The following HOOK3 variants were observed in gnomAD, a reference collection of about 807,000 sequenced individuals.
HOOK3 encodes the protein hook microtubule tethering protein 3.
HOOK3 carries 24 observed loss-of-function variants against 116.3 expected under a neutral mutation model. The observed-to-expected ratio is 0.21, with a 90% CI of 0.15 to 0.29. The LOEUF (loss-of-function observed/expected upper bound fraction) is 0.29. Among genes scored for constraint, HOOK3 ranks in the 10% least tolerant of loss-of-function variants. The probability of loss-of-function intolerance (pLI) is 1.00; values close to 1 mark genes in which losing one functional copy is unlikely to be tolerated. For synonymous variants in HOOK3, 275 were observed against 283.0 expected (o/e 0.97, Z 0.28); for missense variants, 632 against 830.2 (o/e 0.76, Z 2.93).
intron 14 of HOOK3, among the ~76,000 whole-genome samples, chr8:42,983,711 A>G (rs946369919): frequency 1.3e-5 from 2 of 152,086 alleles, no homozygotes; most frequent in African/African-American, 4.8e-5. Flanking sequence ...CTTGAGCTGA[A>G]GTGATCTGCC....
chr8:42,973,852 T>G (rs1164660095), intron 12 of HOOK3, among the ~76,000 whole-genome samples: 1 of 152,244 alleles, frequency 6.6e-6, no homozygotes. Flanking sequence ...AGTTACTAAT[T>G]GTTAAAGATG....
intron 2 of HOOK3, among the ~76,000 whole-genome samples, chr8:42,922,268 A>G (rs1030673190): frequency 7.2e-5 from 11 of 152,160 alleles, no homozygotes; most frequent in Admixed American, 2.6e-4. Context: ...TTGACCTGGT[A>G]TGGTGGCTCA....
rs191118295 is a variant in HOOK3 at position 43,030,347 on chromosome 8, G to A, written c.*11849G>A. 186 of 182,576 alleles carry A rather than the reference G, an allele frequency of 1.0e-3. No individual in the cohort carries two copies. The highest frequency in any genetic ancestry group is 4.2e-3 in the African/African-American group (181 of 42,624). 11.3% of individuals were successfully genotyped at this position (182,576 alleles called of 1,614,324 possible). ...ATTTACTCATTTTAATTTTACGACT[G>A]CCAACTTGTTACGGTATTAATTATA... On this transcript the variant is annotated 3_prime_UTR_variant, in exon 22 of 22. Coordinates refer to ENST00000307602, the MANE Select transcript of HOOK3 (RefSeq NM_032410.4).
rs11348838 is a variant in HOOK3, at chr8:42,981,883, C to CAAA, written c.1322-729_1322-727dup. Among the ~76,000 whole-genome samples the CAAA allele has an allele frequency of 7.2e-3, 777 of 108,112 alleles. 8 individuals are homozygous for CAAA. Among genetic ancestry groups the CAAA allele is most frequent in the African/African-American group, 0.026 (728 of 28,472 alleles). The allele number at this position is 108,112 out of a possible 152,430, so 70.9% of individuals were successfully genotyped here. A position where few individuals can be genotyped will look rare whatever the true frequency, so the allele number is the denominator to read the frequency against. ...TGGGCGACAGAGTGAGACTCTGTCT[C>CAAA]AAAAAAAAAAAAAAAAAGAATAAGG... is the stretch of plus-strand genomic sequence containing the variant. On this transcript the variant is annotated intron_variant, in intron 13 of 21. Transcript: ENST00000307602.
At chr8:42,927,245 G>GTTTTTTTTTTTT (rs1283654855) in intron 3 of HOOK3, among the ~76,000 whole-genome samples, 4 of 119,320 alleles carry the variant, frequency 3.4e-5, no homozygotes, top group Non-Finnish European at 5.1e-5. Context: ...AATGGCACTG[G>GTTTTTTTTTTTT]TTTTTTTTTT....
rs1056967252 is a variant in HOOK3 at position 42,966,605 on chromosome 8, C to T, written c.912C>T (p.Asp304=). The T allele has an allele frequency of 2.7e-5, 44 of 1,613,934 alleles. No individual in the cohort carries two copies. The highest frequency in any genetic ancestry group is 3.3e-5 in the South Asian group (3 of 91,074). ...CTCAGTCTCTGAAAGATGAGATCGA[C>T]GTGCTGAGGTAAAAACCTCACCTTC... The part of the protein sequence containing the change: ...DEAQSLKDEI[D]VLRHSSDKVS... The change falls in exon 10 of 22, where the codon GAC becomes GAT. Residue 304 remains aspartate (D), a synonymous_variant. Transcript: ENST00000307602.
At chr8:43,000,837 A>G (rs1809365893) in intron 16 of HOOK3, 2 of 152,276 alleles carry the variant, frequency 1.3e-5, no homozygotes, top group African/African-American at 4.8e-5. Context: ...CATCCATTTA[A>G]CTATGTTACT....
At chr8:42,901,893 A>G (rs1807197572) in intron 1 of HOOK3, among the ~76,000 whole-genome samples, 1 of 152,132 alleles carries the variant, frequency 6.6e-6, no homozygotes, top group African/African-American at 2.4e-5. Context: ...ATTTTTTAGT[A>G]GAGACGGGGT....
chr8:42,909,869 A>T (rs942517818), intron 2 of HOOK3, among the ~76,000 whole-genome samples: 5 of 152,234 alleles, frequency 3.3e-5, no homozygotes, highest in African/African-American at 9.6e-5. Flanking sequence ...CATCTCACTT[A>T]TGTGGAATCT....
At chr8:42,989,704 C>A (rs1029921066) in intron 15 of HOOK3, among the ~76,000 whole-genome samples, 4 of 151,986 alleles carry the variant, frequency 2.6e-5, no homozygotes, top group Admixed American at 2.6e-4. Context: ...CTTATTCATT[C>A]TTTCTATTTT....
At chr8:42,938,698 TTTTATTTATTTATTTATTTA>T (rs57325956) in intron 4 of HOOK3, among the ~76,000 whole-genome samples, 6 of 149,818 alleles carry the variant, frequency 4.0e-5, no homozygotes, top group Non-Finnish European at 8.9e-5. Flanking sequence ...AATGCTTTTC[TTTTATTTATTTATTTATTTA>T]TTTATTTATT....
At chr8:42,908,438 C>CT (rs1176825431) in intron 2 of HOOK3, among the ~76,000 whole-genome samples, 1 of 152,196 alleles carries the variant, frequency 6.6e-6, no homozygotes, top group Non-Finnish European at 1.5e-5. Flanking sequence ...GTAATTAAAA[C>CT]ACAGTGCTGG....
At position 43,026,123 on chromosome 8, in the gene HOOK3, GAAGGAAAA is replaced by G. The variant is rs1809929370; in HGVS notation, c.*7626_*7633del. 1 of 207,940 alleles carries G rather than the reference GAAGGAAAA, an allele frequency of 4.8e-6. No homozygotes were observed. Among genetic ancestry groups the G allele is most frequent in the East Asian group, 7.3e-5 (1 of 13,654 alleles). The allele number at this position is 207,940 out of a possible 1,614,324, so 12.9% of individuals were successfully genotyped here. On this transcript the variant is annotated 3_prime_UTR_variant, in exon 22 of 22. Coordinates refer to ENST00000307602, the MANE Select transcript of HOOK3 (RefSeq NM_032410.4). ...ACACTTGAGTGGTAACTAGCTTGAT[GAAGGAAAA>G]TAATTACTTTAGCAGTTATGTTGTA... is the stretch of plus-strand genomic sequence containing the variant.
At chr8:42,939,707 G>T (rs1446417200) in intron 4 of HOOK3, among the ~76,000 whole-genome samples, 3 of 149,422 alleles carry the variant, frequency 2.0e-5, no homozygotes, top group East Asian at 2.0e-4. Context: ...CTGGGCGGAG[G>T]GGCTCCTCAC....
intron 17 of HOOK3, among the ~76,000 whole-genome samples, chr8:43,006,515 G>C (rs1432761925): frequency 6.6e-6 from 1 of 152,052 alleles, no homozygotes; most frequent in Non-Finnish European, 1.5e-5. Flanking sequence ...TAGAGATGGG[G>C]TTTCACCATG....
intron 4 of HOOK3, among the ~76,000 whole-genome samples, chr8:42,941,282 G>A (rs1306137035): frequency 3.4e-5 from 5 of 148,638 alleles, no homozygotes; most frequent in Admixed American, 6.6e-5. Flanking sequence ...TTGGGAGGCC[G>A]AGGCGGGCGG....
At chr8:42,993,285 A>G (rs983849870) in intron 15 of HOOK3, among the ~76,000 whole-genome samples, 7 of 152,140 alleles carry the variant, frequency 4.6e-5, no homozygotes, top group African/African-American at 7.2e-5. Context: ...TATTTTTAAG[A>G]CAGGGTCTTA....
At chr8:42,995,739 T>C (rs1384967345) in intron 15 of HOOK3, among the ~76,000 whole-genome samples, 1 of 152,214 alleles carries the variant, frequency 6.6e-6, no homozygotes, top group Non-Finnish European at 1.5e-5. Context: ...CCTATATTTC[T>C]TTCTTATCCT....
intron 14 of HOOK3, among the ~76,000 whole-genome samples, chr8:42,982,967 C>T (rs145796435): frequency 1.3e-5 from 2 of 152,264 alleles, no homozygotes; most frequent in African/African-American, 4.8e-5. Context: ...AGACATTAAG[C>T]AATGAATACA....
Sources: gnomAD v4.1 joint callset for allele counts (sites outside exome capture counted in the v4.1 genomes callset) on GRCh38, gnomAD v4.1.1 for gene constraint, MANE v1.5 for transcripts, NCBI Gene and HGNC (gene_info 2026-07-23, HGNC 2026-07-21) for gene names.